The following NGLY1 variants were observed in gnomAD, a reference collection of about 807,000 sequenced individuals.
NGLY1 encodes the protein N-glycanase 1, also known as peptide-N(4)-(N-acetyl-beta-glucosaminyl)asparagine amidase.
NGLY1 carries 68 observed loss-of-function variants against 84.6 expected under a neutral mutation model. That is an observed-to-expected ratio of 0.80 (90% CI 0.66 to 0.98). The LOEUF (loss-of-function observed/expected upper bound fraction) is 0.98. NGLY1 is among the 50% of genes least tolerant of loss of function. The pLI is 0.00. For missense variants in NGLY1, 779 were observed against 770.2 expected (o/e 1.01, Z -0.14); for synonymous variants, 280 against 275.2 (o/e 1.02, Z -0.17).
intron 10 of NGLY1, among the ~76,000 whole-genome samples, chr3:25,728,248 A>G (rs932876296): frequency 6.6e-6 from 1 of 152,126 alleles, no homozygotes; most frequent in Non-Finnish European, 1.5e-5. Flanking sequence ...GTTTTTGGTA[A>G]TTTGATTAAT....
intron 3 of NGLY1, chr3:25,755,570 C>T: frequency 6.9e-7 from 1 of 1,440,694 alleles, no homozygotes; most frequent in South Asian, 1.1e-5. Flanking sequence ...TGATTGGGCC[C>T]AAAAATATTC....
At chr3:25,728,689 T>C in intron 10 of NGLY1, among the ~76,000 whole-genome samples, 1 of 152,258 alleles carries the variant, frequency 6.6e-6, no homozygotes, top group East Asian at 1.9e-4. Context: ...GCCTGTTAGA[T>C]GTTTAGCTTT....
chr3:25,770,457 T>C (rs961435695), intron 2 of NGLY1, among the ~76,000 whole-genome samples: 1 of 152,108 alleles, frequency 6.6e-6, no homozygotes, highest in Non-Finnish European at 1.5e-5. Flanking sequence ...GCCTCCACAT[T>C]TTCTTCATCC....
chr3:25,778,619 A>T lies in NGLY1; in HGVS notation c.201T>A (p.Pro67=). The T allele has an allele frequency of 6.2e-7, 1 of 1,612,296 alleles. No individual in the cohort carries two copies. Among genetic ancestry groups the T allele is most frequent in the Non-Finnish European group, 8.5e-7 (1 of 1,178,986 alleles). The change falls in exon 2 of 12, where the codon CCT becomes CCA. Residue 67 remains proline, a synonymous_variant. Coordinates refer to ENST00000280700, the MANE Select transcript of NGLY1 (RefSeq NM_018297.4). Reference sequence around the variant, plus strand: ...ATAAACATTCAACAGCTCCTCTGACAGGCAAGAGTCTAGTAGAAAAGGCTG... The same window carrying T: ...ATAAACATTCAACAGCTCCTCTGACTGGCAAGAGTCTAGTAGAAAAGGCTG... ...GNTAFSTRLL[P]VRGAVECLFE...
At chr3:25,785,572 G>A (rs921160966), upstream of NGLY1, among the ~76,000 whole-genome samples, 3 of 149,508 alleles carry the variant, frequency 2.0e-5, no homozygotes, top group Non-Finnish European at 4.4e-5. Context: ...GGTGGCTCAC[G>A]CCTGTAATCC....
intron 10 of NGLY1, among the ~76,000 whole-genome samples, chr3:25,722,189 C>T (rs1705028667): frequency 6.6e-6 from 1 of 151,212 alleles, no homozygotes; most frequent in African/African-American, 2.4e-5. Context: ...TGCACTCCAG[C>T]CCGGGTGACA....
chr3:25,727,518 A>G (rs1705320573), intron 10 of NGLY1, among the ~76,000 whole-genome samples: 1 of 152,102 alleles, frequency 6.6e-6, no homozygotes, highest in South Asian at 2.1e-4. Flanking sequence ...GCTTTGCCCA[A>G]CTCCTACAGC....
chr3:25,777,296 G>A (rs1239335143), intron 2 of NGLY1, among the ~76,000 whole-genome samples: 1 of 151,524 alleles, frequency 6.6e-6, no homozygotes, highest in African/African-American at 2.4e-5. Context: ...TCAGGAGGCT[G>A]AGGCAGGAGA....
intron 4 of NGLY1, among the ~76,000 whole-genome samples, chr3:25,744,104 A>C (rs531103196): frequency 6.6e-6 from 1 of 152,340 alleles, no homozygotes; most frequent in Admixed American, 6.5e-5. Flanking sequence ...GACAAAATAA[A>C]ATCAACAAGT....
intron 1 of NGLY1, among the ~76,000 whole-genome samples, chr3:25,779,141 C>T (rs182047710): frequency 1.3e-5 from 2 of 151,872 alleles, no homozygotes; most frequent in Admixed American, 6.6e-5. Flanking sequence ...TTCACCATGT[C>T]GACCAGGCTG....
intron 5 of NGLY1, 57 bp from the exon 6 acceptor site, chr3:25,737,512 T>C (rs1705898802): frequency 7.0e-7 from 1 of 1,422,944 alleles, no homozygotes; most frequent in Non-Finnish European, 9.6e-7. Flanking sequence ...TAAGAGAATT[T>C]ACATTACCTC....
rs140924312 is a variant in NGLY1 at position 25,764,168 on chromosome 3, G to C, written c.390C>G (p.Ala130=). The change falls in exon 3 of 12, where the codon GCC becomes GCG. Residue 130 remains alanine, a synonymous_variant. Coordinates refer to ENST00000280700, the MANE Select transcript of NGLY1 (RefSeq NM_018297.4). ...HKVKSSQQPA[A]STQLPTTPSS... ...ATGGTGTTGTAGGAAGCTGGGTACT[G>C]GCTGCAGGTTGCTGAGATGACTTTA... is the stretch of plus-strand genomic sequence containing the variant. 99 of 1,614,184 alleles carry C rather than the reference G, an allele frequency of 6.1e-5. No individual in the cohort carries two copies. In the African/African-American group the frequency reaches 1.1e-3, roughly 18 times the overall value.
chr3:25,768,112 C>CAAAAAAAA (rs1165791295), intron 2 of NGLY1, among the ~76,000 whole-genome samples: 1 of 49,162 alleles, frequency 2.0e-5, no homozygotes, highest in Non-Finnish European at 3.8e-5. Flanking sequence ...GACTCCATCT[C>CAAAAAAAA]AAAAAAAAAA....
chr3:25,754,794 T>TTC, intron 3 of NGLY1: 1 of 421,440 alleles, frequency 2.4e-6, no homozygotes, highest in East Asian at 4.5e-5. Context: ...CGTGCTTTTT[T>TTC]TTTTTTTTTT....
chr3:25,721,944 A>G (rs1490596150), intron 10 of NGLY1, among the ~76,000 whole-genome samples: 1 of 151,596 alleles, frequency 6.6e-6, no homozygotes, highest in African/African-American at 2.4e-5. Context: ...AGTGCCGGGC[A>G]CAGTCATTCA....
intron 3 of NGLY1, among the ~76,000 whole-genome samples, chr3:25,756,241 C>T (rs1707028210): frequency 6.6e-6 from 1 of 152,144 alleles, no homozygotes; most frequent in Non-Finnish European, 1.5e-5. Flanking sequence ...TGCACCTACC[C>T]CATAGGTTTG....
At chr3:25,775,785 C>T (rs1404864977) in intron 2 of NGLY1, among the ~76,000 whole-genome samples, 1 of 152,130 alleles carries the variant, frequency 6.6e-6, no homozygotes, top group Non-Finnish European at 1.5e-5. Context: ...TTCTATAGCA[C>T]AATACGGTGA....
chr3:25,760,261 CAT>C (rs199519052), intron 3 of NGLY1, among the ~76,000 whole-genome samples: 3 of 151,336 alleles, frequency 2.0e-5, no homozygotes, highest in African/African-American at 4.9e-5. Context: ...AAAAAATGAA[CAT>C]ATATATATAT....
At chr3:25,739,495 A>G in intron 5 of NGLY1, 82 bp downstream of exon 5, 2 of 1,311,996 alleles carry the variant, frequency 1.5e-6, no homozygotes, top group East Asian at 4.9e-5. Flanking sequence ...ATAATTAAAT[A>G]TTAAAAAGTT....
Sources: gnomAD v4.1 joint callset for allele counts (sites outside exome capture counted in the v4.1 genomes callset) on GRCh38, gnomAD v4.1.1 for gene constraint, MANE v1.5 for transcripts, NCBI Gene and HGNC (gene_info 2026-07-23, HGNC 2026-07-21) for gene names.